The following TP53TG3D variants were observed in gnomAD, a reference collection of about 807,000 sequenced individuals.
TP53TG3D encodes TP53 target 3D.
For synonymous variants in TP53TG3D, 2 were observed against 56.9 expected, an observed-to-expected ratio of 0.04 and a Z score of 4.34; for missense variants, 4 against 139.9, an observed-to-expected ratio of 0.03 and a Z score of 4.90.
At chr16:32,254,731 A>G in intron 1 of TP53TG3D, 160 bp from the exon 2 acceptor site, 1 of 1,488,804 alleles carries the variant, frequency 6.7e-7, no homozygotes, top group Non-Finnish European at 8.9e-7. Flanking sequence ...ACATGAGGGT[A>G]GTTTGTGTGG....
At chr16:32,255,037 A>C in exon 2 of TP53TG3D, 9 of 1,474,140 alleles carry the variant, frequency 6.1e-6, no homozygotes, top group Non-Finnish European at 8.4e-6. Flanking sequence ...GGAAGAAACA[A>C]ATTTAAATAA....
At chr16:32,255,396 C>T (rs1302995323) in exon 2 of TP53TG3D, 2 of 224,060 alleles carry the variant, frequency 8.9e-6, no homozygotes, top group African/African-American at 5.2e-5. Flanking sequence ...CTGTCTCTCT[C>T]CTCTCCTCAG....
chr16:32,254,713 C>A lies in TP53TG3D; in HGVS notation c.363-178C>A, dbSNP rs1197773037. 3.4e-6 allele frequency: 5 copies of A among 1,468,380 alleles called. No homozygotes were observed. The African/African-American group carries it at 7.3e-5, about 21-fold the overall frequency. 91.0% of individuals were successfully genotyped at this position (1,468,380 alleles called of 1,614,324 possible). A position where few individuals can be genotyped will look rare whatever the true frequency, so the allele number is the denominator to read the frequency against. On this transcript the variant is annotated intron_variant, in intron 1 of 1. Transcript: ENST00000398664. The stretch of plus-strand genomic sequence containing the variant: ...GCAGGACCAGAGCGCCCCTTGGTCC[C>A]TCCCAACACATGAGGGTAGTTTGTG...
chr16:32,255,125 C>T lies in TP53TG3D; in HGVS notation c.*222C>T, dbSNP rs566015581. 1.4e-4 allele frequency: 120 copies of T among 835,988 alleles called. 4 individuals are homozygous for T. The highest frequency in any genetic ancestry group is 1.2e-3 in the African/African-American group (69 of 59,620). 51.8% of individuals were successfully genotyped at this position (835,988 alleles called of 1,614,324 possible). ...TTTAATAACTGTCGTTTGTCCTTAACGTCAGACTTTCTCCAAGACAAAAAC... is the reference window on the plus strand; with the variant it reads ...TTTAATAACTGTCGTTTGTCCTTAATGTCAGACTTTCTCCAAGACAAAAAC... On this transcript the variant is annotated 3_prime_UTR_variant, in exon 2 of 2. Transcript: ENST00000398664.
chr16:32,254,943 G>C, exon 2 of TP53TG3D: 1 of 1,551,674 alleles, frequency 6.4e-7, no homozygotes, highest in Non-Finnish European at 8.8e-7. Flanking sequence ...GATAGACACT[G>C]CCTCAGCTCC....
exon 2 of TP53TG3D, chr16:32,255,379 A>C: frequency 4.2e-6 from 1 of 236,340 alleles, no homozygotes. Context: ...CAACCCATCT[A>C]ATTCTTCTGT....
At chr16:32,254,778 TAGGGC>T (rs1567304194) in intron 1 of TP53TG3D, 108 bp from the exon 2 acceptor site, 1 of 1,597,460 alleles carries the variant, frequency 6.3e-7, no homozygotes, top group Non-Finnish European at 8.5e-7. Context: ...CTACCCTGAA[TAGGGC>T]TCCCTTGGAA....
chr16:32,254,997 C>T, exon 2 of TP53TG3D: 1 of 1,172,766 alleles, frequency 8.5e-7, no homozygotes, highest in South Asian at 1.3e-5. Flanking sequence ...TGGGACATCT[C>T]TCTGGAGCAT....
exon 2 of TP53TG3D, chr16:32,254,960 G>C (rs1326192340): frequency 1.7e-5 from 24 of 1,372,770 alleles, no homozygotes; most frequent in Non-Finnish European, 2.4e-5. Context: ...CTCCGTGCAG[G>C]GCAGACGCAC....
intron 1 of TP53TG3D, chr16:32,254,005 G>A: frequency 1.9e-6 from 1 of 513,258 alleles, no homozygotes; most frequent in Non-Finnish European, 3.1e-6. Flanking sequence ...TCCTCCGCCG[G>A]ACGTTGGCCG....
chr16:32,254,839 T>A (rs1177096443), intron 1 of TP53TG3D, 52 bp from the exon 2 acceptor site: 1 of 1,604,628 alleles, frequency 6.2e-7, no homozygotes, highest in Non-Finnish European at 8.5e-7. Flanking sequence ...TTTTAATAGT[T>A]TTCTGATAGA....
intron 1 of TP53TG3D, 136 bp downstream of exon 1, chr16:32,253,851 G>GTA (rs1596738847): frequency 7.4e-7 from 1 of 1,359,654 alleles, no homozygotes; most frequent in Admixed American, 2.6e-5. Flanking sequence ...CCCTAGGGCT[G>GTA]GGTTAAGGGC....
At chr16:32,255,321 T>A (rs1260620183) in exon 2 of TP53TG3D, 1 of 277,610 alleles carries the variant, frequency 3.6e-6, no homozygotes, top group African/African-American at 2.3e-5. Flanking sequence ...AATAGGTTTT[T>A]GAACAATTTT....
rs1404078344 is a variant in TP53TG3D at position 32,254,781 on chromosome 16, G to T, written c.363-110G>T. 54 of 1,600,410 alleles carry T rather than the reference G, an allele frequency of 3.4e-5. 1 individual carries two copies. The highest frequency in any genetic ancestry group is 3.5e-5 in the Non-Finnish European group (41 of 1,174,412). ...GTGTCTGCGCTTCTACCCTGAATAG[G>T]GCTCCCTTGGAAAATAATATCTCTT... On this transcript the variant is annotated intron_variant, in intron 1 of 1. Transcript: ENST00000398664.
In TP53TG3D at chr16:32,255,021, G is replaced by A. The variant is rs1246773973; in HGVS notation, c.*118G>A. ...TCTCTGGAGCATCAATATTACTGCA[G>A]TATTTGGAAGAAACAAATTTAAATA... On this transcript the variant is annotated 3_prime_UTR_variant, in exon 2 of 2. Coordinates refer to ENST00000398664, the Ensembl canonical transcript of TP53TG3D. The A allele has an allele frequency of 8.5e-6, 12 of 1,415,486 alleles. No individual in the cohort carries two copies. The East Asian group carries it at 2.2e-4, about 25-fold the overall frequency. The allele number at this position is 1,415,486 out of a possible 1,614,324, so 87.7% of individuals were successfully genotyped here.
intron 1 of TP53TG3D, chr16:32,254,377 T>C (rs1222049084): frequency 6.5e-7 from 1 of 1,528,244 alleles, no homozygotes; most frequent in Non-Finnish European, 8.7e-7. Flanking sequence ...TTCAAAACCA[T>C]TTCCTCTGTT....
At chr16:32,254,727 G>A in intron 1 of TP53TG3D, 164 bp from the exon 2 acceptor site, 1 of 1,480,606 alleles carries the variant, frequency 6.8e-7, no homozygotes, top group South Asian at 1.5e-5. Context: ...CAACACATGA[G>A]GGTAGTTTGT....
chr16:32,255,275 T>A (rs185069134), exon 2 of TP53TG3D: 12 of 314,430 alleles, frequency 3.8e-5, no homozygotes, highest in South Asian at 6.5e-5. Context: ...TTTGTACTTT[T>A]GTGGGGGATT....
chr16:32,255,118 T>A (rs1962193860), exon 2 of TP53TG3D: 1 of 870,012 alleles, frequency 1.1e-6, no homozygotes, highest in African/African-American at 1.7e-5. Context: ...CTGTCGTTTG[T>A]CCTTAACGTC....
Sources: allele counts gnomAD v4.1 joint callset, GRCh38; gene constraint gnomAD v4.1.1; transcripts MANE v1.5; gene names NCBI Gene and HGNC (gene_info 2026-07-23, HGNC 2026-07-21).